DCC: variants seen among roughly 807,000 people sequenced by gnomAD.
The protein encoded by DCC is DCC netrin 1 receptor, also known as netrin receptor DCC.
A neutral mutation model predicts 172.5 loss-of-function variants in DCC; 58 were observed. The observed-to-expected ratio is 0.34, with a 90% CI of 0.27 to 0.42. The LOEUF is 0.42. DCC is among the 10% of genes least tolerant of loss of function. The probability of loss-of-function intolerance (pLI) is 1.00; values close to 1 mark genes in which losing one functional copy is unlikely to be tolerated. For missense variants in DCC, 1,740 were observed against 1,791.0 expected, an observed-to-expected ratio of 0.97 and a Z score of 0.51; for synonymous variants, 709 against 644.5, an observed-to-expected ratio of 1.10 and a Z score of -1.52.
rs2038098101 is a variant in DCC, at chr18:52,807,006, A to ATT, written c.412+54632_412+54633insTT. Among the ~76,000 whole-genome samples the ATT allele has an allele frequency of 2.0e-5, 3 of 152,284 alleles. No homozygotes were observed. The South Asian group carries it at 6.2e-4, about 32-fold the overall frequency. ...TCAAGAAATCAAGACCACCCTGGCCAATATGGTGAAACCGTATCTCTACTA... is the reference window on the plus strand; with the variant it reads ...TCAAGAAATCAAGACCACCCTGGCCATTATATGGTGAAACCGTATCTCTACTA... On this transcript the variant is annotated intron_variant, in intron 2 of 28. Coordinates refer to ENST00000442544, the MANE Select transcript of DCC (RefSeq NM_005215.4).
intron 21 of DCC, among the ~76,000 whole-genome samples, chr18:53,419,696 T>C (rs1910524740): frequency 6.6e-6 from 1 of 152,122 alleles, no homozygotes; most frequent in Admixed American, 6.5e-5. Flanking sequence ...AACAATACTG[T>C]GAGAAAGGTA....
At chr18:52,695,440 T>C (rs1386107717) in intron 1 of DCC, among the ~76,000 whole-genome samples, 1 of 152,244 alleles carries the variant, frequency 6.6e-6, no homozygotes, top group African/African-American at 2.4e-5. Flanking sequence ...TGGCTGCTCA[T>C]GTCTTTGAAA....
rs1299882260 is a variant in DCC, at chr18:52,923,868, T to C, written c.848+11T>C. 7 of 1,608,122 alleles carry C rather than the reference T, an allele frequency of 4.4e-6. No individual in the cohort carries two copies. Among genetic ancestry groups the C allele is most frequent in the African/African-American group, 2.7e-5 (2 of 74,762 alleles). Reference sequence around the variant, plus strand: ...AGTCATCCAACTCAGGTATTTCACATTTAAGACTTTTTTGTAAAGTGTACT... The same window carrying C: ...AGTCATCCAACTCAGGTATTTCACACTTAAGACTTTTTTGTAAAGTGTACT... On this transcript the variant is annotated intron_variant, in intron 4 of 28. Coordinates refer to ENST00000442544, the MANE Select transcript of DCC (RefSeq NM_005215.4).
chr18:53,285,979 C>T (rs1306930622), intron 12 of DCC, among the ~76,000 whole-genome samples: 1 of 152,200 alleles, frequency 6.6e-6, no homozygotes, highest in Non-Finnish European at 1.5e-5. Flanking sequence ...GGAATGGCTG[C>T]ATTTACCTAA....
chr18:52,473,816 C>A (rs1989013755), intron 1 of DCC, among the ~76,000 whole-genome samples: 1 of 152,014 alleles, frequency 6.6e-6, no homozygotes, highest in South Asian at 2.1e-4. Context: ...CCCTCAAGAC[C>A]TTTGTTTTAT....
At chr18:52,684,312 A>G (rs905066524) in intron 1 of DCC, among the ~76,000 whole-genome samples, 13 of 152,136 alleles carry the variant, frequency 8.5e-5, no homozygotes, top group Non-Finnish European at 1.5e-4. Context: ...ACAACCAGCA[A>G]TTTAAAAATG....
chr18:53,416,165 G>T lies in DCC; in HGVS notation c.3163+9G>T. The T allele has an allele frequency of 4.4e-6, 7 of 1,598,434 alleles. No homozygotes were observed. Among genetic ancestry groups the T allele is most frequent in the South Asian group, 2.2e-5 (2 of 90,744 alleles). The stretch of plus-strand genomic sequence containing the variant: ...AATGGCTAATGACCAAGGTATGGTG[G>T]CTCAATCTGTCATTTTGTGTTCCTT... On this transcript the variant is annotated intron_variant, in intron 21 of 28. Coordinates refer to ENST00000442544, the MANE Select transcript of DCC (RefSeq NM_005215.4).
chr18:52,504,709 C>G (rs2031165556), intron 1 of DCC, among the ~76,000 whole-genome samples: 1 of 151,974 alleles, frequency 6.6e-6, no homozygotes, highest in African/African-American at 2.4e-5. Context: ...CGGGTGTTAC[C>G]ACACTCTCTC....
rs569478238 is a variant in DCC at position 52,723,498 on chromosome 18, G to A, written c.92-28556G>A. ...AAGGAGGAAAACCTAGAAAAGAGCAGGTTTGGCTTCAGCCGTCCCTCAGAC... is the reference window on the plus strand; with the variant it reads ...AAGGAGGAAAACCTAGAAAAGAGCAAGTTTGGCTTCAGCCGTCCCTCAGAC... On this transcript the variant is annotated intron_variant, in intron 1 of 28. Coordinates refer to ENST00000442544, the MANE Select transcript of DCC (RefSeq NM_005215.4). Among the ~76,000 whole-genome samples the A allele has an allele frequency of 3.3e-5, 5 of 152,248 alleles. No individual in the cohort carries two copies. In the South Asian group the frequency reaches 1.0e-3, roughly 32 times the overall value.
chr18:53,157,429 C>T lies in DCC; in HGVS notation c.1335C>T (p.Val445=). 1 of 1,614,136 alleles carries T rather than the reference C, an allele frequency of 6.2e-7. No homozygotes were observed. Among genetic ancestry groups the T allele is most frequent in the African/African-American group, 1.3e-5 (1 of 75,048 alleles). The part of the protein sequence containing the change: ...VVPVLVSSRF[V]RLSWRPPAEA... ...CTGTCTTGGTTTCCAGCCGATTTGT[C>T]CGTCTCAGCTGGCGCCCACCTGCAG... is the stretch of plus-strand genomic sequence containing the variant. Residue 445 remains valine (V), a synonymous_variant, in exon 8 of 29, where the codon GTC becomes GTT. Coordinates refer to ENST00000442544, the MANE Select transcript of DCC (RefSeq NM_005215.4).
chr18:53,181,548 C>T (rs2055197139), intron 9 of DCC, among the ~76,000 whole-genome samples: 1 of 151,322 alleles, frequency 6.6e-6, no homozygotes, highest in African/African-American at 2.4e-5. Flanking sequence ...ACAATATATT[C>T]TGCTATTTTA....
chr18:53,103,415 A>G (rs1384266729), intron 7 of DCC, among the ~76,000 whole-genome samples: 1 of 152,018 alleles, frequency 6.6e-6, no homozygotes, highest in Non-Finnish European at 1.5e-5. Flanking sequence ...CTTGAAGCCT[A>G]TGCTGGAGTT....
intron 18 of DCC, among the ~76,000 whole-genome samples, chr18:53,401,293 C>T (rs971254999): frequency 1.3e-5 from 2 of 152,066 alleles, no homozygotes; most frequent in East Asian, 3.9e-4. Context: ...CTCCTTCATT[C>T]CCCCCTCCTC....
At chr18:52,972,535 C>A (rs1329372117) in intron 5 of DCC, among the ~76,000 whole-genome samples, 1 of 138,864 alleles carries the variant, frequency 7.2e-6, no homozygotes, top group Non-Finnish European at 1.5e-5. Context: ...TTTTTTTTTA[C>A]TCTCGCTATA....
At chr18:53,002,062 G>A (rs2041573978) in intron 5 of DCC, among the ~76,000 whole-genome samples, 2 of 152,096 alleles carry the variant, frequency 1.3e-5, no homozygotes, top group South Asian at 4.1e-4. Flanking sequence ...TTAACACTTA[G>A]TGTCTAGAGT....
chr18:53,112,393 A>C (rs1280561742), intron 7 of DCC, among the ~76,000 whole-genome samples: 1 of 151,544 alleles, frequency 6.6e-6, no homozygotes, highest in Admixed American at 6.6e-5. Context: ...GAAAGGTTCT[A>C]TTGTACAGTT....
At chr18:52,944,302 C>G (rs1055384016) in intron 5 of DCC, among the ~76,000 whole-genome samples, 1 of 152,078 alleles carries the variant, frequency 6.6e-6, no homozygotes, top group African/African-American at 2.4e-5. Flanking sequence ...GAGGGATTGT[C>G]TATACTTTGT....
At chr18:52,821,473 A>G (rs1193935719) in intron 2 of DCC, among the ~76,000 whole-genome samples, 1 of 152,172 alleles carries the variant, frequency 6.6e-6, no homozygotes, top group African/African-American at 2.4e-5. Context: ...TTTGTAGAAA[A>G]CTTTTTTGAA....
At chr18:53,273,255 A>G (rs139522420) in intron 12 of DCC, among the ~76,000 whole-genome samples, 281 of 152,242 alleles carry the variant, frequency 1.8e-3, no homozygotes, top group African/African-American at 6.5e-3. Context: ...TTTTCATAAT[A>G]TGAAATTATA....
Sources: gnomAD v4.1 joint callset for allele counts (sites outside exome capture counted in the v4.1 genomes callset) on GRCh38, gnomAD v4.1.1 for gene constraint, MANE v1.5 for transcripts, NCBI Gene and HGNC (gene_info 2026-07-23, HGNC 2026-07-21) for gene names.